NRXN3: variants seen among roughly 807,000 people sequenced by gnomAD.
NRXN3 encodes the protein neurexin III.
In NRXN3, 32 loss-of-function variants were observed where a neutral mutation model predicts 137.6. The ratio of observed to expected loss-of-function variants is 0.23; its 90% CI spans 0.18 to 0.31. The LOEUF (loss-of-function observed/expected upper bound fraction) is 0.31, where lower values mean the gene tolerates loss of function less well. Ranked by LOEUF, NRXN3 falls within the 10% of genes least tolerant of loss-of-function variation. The probability of loss-of-function intolerance (pLI) is 1.00; values close to 1 mark genes in which losing one functional copy is unlikely to be tolerated. For missense variants in NRXN3, 1,574 were observed against 2,062.5 expected, an observed-to-expected ratio of 0.76 and a Z score of 4.59; for synonymous variants, 798 against 784.5, an observed-to-expected ratio of 1.02 and a Z score of -0.29.
intron 11 of NRXN3, among the ~76,000 whole-genome samples, chr14:78,958,009 C>T (rs958486934): frequency 6.6e-6 from 1 of 152,068 alleles, no homozygotes; most frequent in Non-Finnish European, 1.5e-5. Flanking sequence ...TAAGTATTTC[C>T]TAAGAGTCTG....
At chr14:79,495,161 G>A (rs886622609) in intron 16 of NRXN3, among the ~76,000 whole-genome samples, 1 of 152,124 alleles carries the variant, frequency 6.6e-6, no homozygotes, top group African/African-American at 2.4e-5. Context: ...GAGGGCCAGG[G>A]TATAGCATGT....
At chr14:78,643,583 A>C (rs541131765) in intron 4 of NRXN3, among the ~76,000 whole-genome samples, 1 of 152,336 alleles carries the variant, frequency 6.6e-6, no homozygotes, top group Non-Finnish European at 1.5e-5. Context: ...CTAGTTGGAA[A>C]GCCAGGCTCA....
chr14:79,811,383 A>G (rs1020915577), intron 20 of NRXN3, among the ~76,000 whole-genome samples: 4 of 152,186 alleles, frequency 2.6e-5, no homozygotes, highest in Non-Finnish European at 4.4e-5. Flanking sequence ...GTTACAATAC[A>G]TGTCTAATGC....
At chr14:79,436,079 A>G (rs1429122274) in intron 15 of NRXN3, among the ~76,000 whole-genome samples, 1 of 152,118 alleles carries the variant, frequency 6.6e-6, no homozygotes, top group African/African-American at 2.4e-5. Flanking sequence ...AATATAACCT[A>G]TGACATTACC....
At position 78,812,427 on chromosome 14, in the gene NRXN3, C is replaced by T. The variant is rs186715842; in HGVS notation, c.2275+2083C>T. Among the ~76,000 whole-genome samples, 297 of 152,326 alleles carry T rather than the reference C, an allele frequency of 1.9e-3. 1 individual carries two copies. The highest frequency in any genetic ancestry group is 7.0e-3 in the African/African-American group (291 of 41,578). ...GTGGAAAGCCTCGTATCCGAAGCTA[C>T]ATCTAGCATCTTCTAGCTTCAGAGA... On this transcript the variant is annotated intron_variant, in intron 10 of 20. Transcript: ENST00000335750.
chr14:78,866,094 G>A lies in NRXN3; in HGVS notation c.2275+55750G>A, dbSNP rs186517377. Reference sequence around the variant, plus strand: ...TTCAAAATAAGCAATAACATTTAAAGCATATTTGAATATACAGATGTTTGG... The same window carrying A: ...TTCAAAATAAGCAATAACATTTAAAACATATTTGAATATACAGATGTTTGG... On this transcript the variant is annotated intron_variant, in intron 10 of 20. Coordinates refer to ENST00000335750, the MANE Select transcript of NRXN3 (RefSeq NM_001330195.2). 1.8e-4 allele frequency among the ~76,000 whole-genome samples: 28 copies of A among 152,192 alleles called. 2 individuals carry two copies. In the East Asian group the frequency reaches 5.2e-3, roughly 28 times the overall value.
intron 15 of NRXN3, among the ~76,000 whole-genome samples, chr14:79,283,023 C>A (rs1396752572): frequency 6.6e-6 from 1 of 152,220 alleles, no homozygotes; most frequent in Non-Finnish European, 1.5e-5. Flanking sequence ...CCCCACAGAG[C>A]TTTGCTAATG....
At chr14:79,483,888 T>A (rs2096631531) in intron 16 of NRXN3, among the ~76,000 whole-genome samples, 1 of 152,138 alleles carries the variant, frequency 6.6e-6, no homozygotes, top group Non-Finnish European at 1.5e-5. Flanking sequence ...AATTTGGACA[T>A]TGAATTGCTA....
intron 1 of NRXN3, among the ~76,000 whole-genome samples, chr14:78,237,677 T>G (rs2066496929): frequency 6.6e-6 from 1 of 152,212 alleles, no homozygotes; most frequent in African/African-American, 2.4e-5. Flanking sequence ...GAGATTGGAA[T>G]GTCCCAGTTG....
intron 19 of NRXN3, among the ~76,000 whole-genome samples, chr14:79,783,803 A>G (rs2099121237): frequency 6.6e-6 from 1 of 152,146 alleles, no homozygotes; most frequent in Non-Finnish European, 1.5e-5. Context: ...TCATTTTGTG[A>G]GGACAGTGAA....
chr14:79,627,022 T>A (rs1409932759), intron 16 of NRXN3, among the ~76,000 whole-genome samples: 1 of 152,148 alleles, frequency 6.6e-6, no homozygotes, highest in Non-Finnish European at 1.5e-5. Flanking sequence ...AGTTAAATCC[T>A]CTATCAATAT....
At chr14:79,539,060 T>C (rs567434419) in intron 16 of NRXN3, among the ~76,000 whole-genome samples, 2 of 152,300 alleles carry the variant, frequency 1.3e-5, no homozygotes, top group Non-Finnish European at 2.9e-5. Context: ...AGGTTTTGTT[T>C]GTTGGTTGGT....
intron 16 of NRXN3, among the ~76,000 whole-genome samples, chr14:79,547,458 A>T (rs1792161832): frequency 6.6e-6 from 1 of 152,240 alleles, no homozygotes; most frequent in Non-Finnish European, 1.5e-5. Context: ...ATTAATTAGC[A>T]AGCCAAATCT....
chr14:79,618,438 G>A (rs1378909564), intron 16 of NRXN3, among the ~76,000 whole-genome samples: 1 of 151,970 alleles, frequency 6.6e-6, no homozygotes, highest in Non-Finnish European at 1.5e-5. Context: ...GAGAATATGT[G>A]GTATTTGGTT....
chr14:79,767,958 G>C (rs577762051), intron 19 of NRXN3, among the ~76,000 whole-genome samples: 2 of 152,224 alleles, frequency 1.3e-5, no homozygotes, highest in African/African-American at 2.4e-5. Flanking sequence ...TGCCTCACTC[G>C]GGAAGCGCAA....
intron 4 of NRXN3, among the ~76,000 whole-genome samples, chr14:78,551,957 C>A (rs1372257654): frequency 6.6e-6 from 1 of 152,138 alleles, no homozygotes. Context: ...GCCCAGTGAT[C>A]CCCAGACTTT....
At chr14:79,125,255 C>G (rs556104960) in intron 15 of NRXN3, among the ~76,000 whole-genome samples, 63 of 152,262 alleles carry the variant, frequency 4.1e-4, no homozygotes, top group Middle Eastern at 6.8e-3. Context: ...TCATAATGTC[C>G]TTTTGCCATT....
chr14:78,276,729 G>A (rs921079374), intron 2 of NRXN3, among the ~76,000 whole-genome samples: 2 of 152,108 alleles, frequency 1.3e-5, no homozygotes, highest in African/African-American at 4.8e-5. Flanking sequence ...AACCAGTATC[G>A]AAAAACCTTT....
chr14:79,003,478 C>T (rs368880029), intron 15 of NRXN3, among the ~76,000 whole-genome samples: 5 of 152,132 alleles, frequency 3.3e-5, no homozygotes, highest in Non-Finnish European at 4.4e-5. Context: ...TAATTCAAAA[C>T]GCTTTGAGCC....
Sources: allele counts gnomAD v4.1 joint callset (sites outside exome capture counted in the v4.1 genomes callset), GRCh38; gene constraint gnomAD v4.1.1; transcripts MANE v1.5; gene names NCBI Gene and HGNC (gene_info 2026-07-23, HGNC 2026-07-21).